PARD3B: variants seen among roughly 807,000 people sequenced by gnomAD.
PARD3B encodes partitioning defective 3 homolog B.
A neutral mutation model predicts 130.2 loss-of-function variants in PARD3B; 103 were observed. That is an observed-to-expected ratio of 0.79 (90% CI 0.67 to 0.93). PARD3B has a LOEUF of 0.93. Ranked by LOEUF, PARD3B falls within the 40% of genes least tolerant of loss-of-function variation. The pLI is 0.00. For synonymous variants in PARD3B, 583 were observed against 553.2 expected, an observed-to-expected ratio of 1.05 and a Z score of -0.76; for missense variants, 1,609 against 1,499.2, an observed-to-expected ratio of 1.07 and a Z score of -1.21.
At chr2:205,297,007 AC>A (rs2041823023) in intron 16 of PARD3B, among the ~76,000 whole-genome samples, 1 of 151,924 alleles carries the variant, frequency 6.6e-6, no homozygotes, top group Non-Finnish European at 1.5e-5. Context: ...TTCTTTTAGC[AC>A]CCTTGATAAT....
chr2:204,572,729 A>G (rs141207656), intron 1 of PARD3B, among the ~76,000 whole-genome samples: 15 of 152,354 alleles, frequency 9.8e-5, no homozygotes, highest in Non-Finnish European at 1.8e-4. Context: ...TTTGTAAATA[A>G]AAATCAGAAA....
chr2:205,250,498 C>T (rs1425096887), intron 16 of PARD3B, among the ~76,000 whole-genome samples: 1 of 152,092 alleles, frequency 6.6e-6, no homozygotes, highest in Non-Finnish European at 1.5e-5. Context: ...CAAGTCCAGA[C>T]CTTTTCTGAG....
Position 205,007,525 on chromosome 2 carries a change from C to G in PARD3B, c.395-40056C>G, listed in dbSNP as rs1337257399. On this transcript the variant is annotated intron_variant, in intron 3 of 22. Transcript: ENST00000406610. ...TTATTTCTGGATTCTCTATTCTGTT[C>G]CACTGGTCTATGTGCCTGTTTTTAT... is the stretch of plus-strand genomic sequence containing the variant. Among the ~76,000 whole-genome samples the G allele has an allele frequency of 2.0e-5, 3 of 152,090 alleles. No homozygotes were observed. The East Asian group carries it at 5.8e-4, about 29-fold the overall frequency.
intron 21 of PARD3B, among the ~76,000 whole-genome samples, chr2:205,538,697 G>A (rs2216109): frequency 0.94 from 142,502 of 152,230 alleles, 67,384 homozygotes; most frequent in East Asian, 1. Flanking sequence ...AGAAGCTTCC[G>A]TTAGCTCTGT....
At chr2:204,755,220 CGGAAATGTGTGAATA>C (rs2040615854) in intron 2 of PARD3B, among the ~76,000 whole-genome samples, 1 of 151,984 alleles carries the variant, frequency 6.6e-6, no homozygotes, top group Non-Finnish European at 1.5e-5. Flanking sequence ...CTCCTAACTA[CGGAAATGTGTGAATA>C]GGAAGTATGG....
chr2:205,042,896 C>G (rs1439057981), intron 3 of PARD3B, among the ~76,000 whole-genome samples: 1 of 149,888 alleles, frequency 6.7e-6, no homozygotes, highest in Non-Finnish European at 1.5e-5. Context: ...AAAAACCCAG[C>G]AAGCAGTTCT....
At chr2:205,275,151 G>A (rs192648258) in intron 16 of PARD3B, among the ~76,000 whole-genome samples, 83 of 151,676 alleles carry the variant, frequency 5.5e-4, no homozygotes, top group Non-Finnish European at 1.0e-3. Flanking sequence ...CAAACCCAAG[G>A]CCACTGTTAG....
At position 205,011,528 on chromosome 2, in the gene PARD3B, C is replaced by G. The variant is rs903141447; in HGVS notation, c.395-36053C>G. ...TGGACATACCAGTACTTCTTTCTGT[C>G]ATATTTTATTCATCGCACAGACCAA... On this transcript the variant is annotated intron_variant, in intron 3 of 22. Coordinates refer to ENST00000406610, the MANE Select transcript of PARD3B (RefSeq NM_001302769.2). This position sits in a 1 kb window ranked among gnomAD's most constrained non-coding sequence, Gnocchi z 4.1. Among the ~76,000 whole-genome samples, 1 of 152,158 alleles carries G rather than the reference C, an allele frequency of 6.6e-6. No homozygotes were observed. Among genetic ancestry groups the G allele is most frequent in the Non-Finnish European group, 1.5e-5 (1 of 68,028 alleles).
chr2:204,932,814 C>T (rs1327743259), intron 2 of PARD3B, among the ~76,000 whole-genome samples: 2 of 152,138 alleles, frequency 1.3e-5, no homozygotes, highest in Non-Finnish European at 2.9e-5. Flanking sequence ...CTGGATTCTG[C>T]ATTTTTACAC....
At chr2:205,603,334 G>T (rs1204815750) in intron 22 of PARD3B, among the ~76,000 whole-genome samples, 2 of 152,172 alleles carry the variant, frequency 1.3e-5, no homozygotes, top group Admixed American at 1.3e-4. Flanking sequence ...CTGTTGTTTT[G>T]GGGTGGAGAG....
intron 3 of PARD3B, among the ~76,000 whole-genome samples, chr2:205,041,845 CAT>C (rs2125397873): frequency 6.6e-6 from 1 of 152,248 alleles, no homozygotes; most frequent in South Asian, 2.1e-4. Flanking sequence ...CCTGCATCAT[CAT>C]ATGTTATGTG....
intron 1 of PARD3B, among the ~76,000 whole-genome samples, chr2:204,642,966 T>C (rs1158995869): frequency 6.6e-6 from 1 of 150,598 alleles, no homozygotes; most frequent in Non-Finnish European, 1.5e-5. Flanking sequence ...ACAAAAAAAT[T>C]AGCCAGGCGT....
chr2:204,961,404 C>T (rs1323617660), intron 2 of PARD3B, among the ~76,000 whole-genome samples: 1 of 152,024 alleles, frequency 6.6e-6, no homozygotes, highest in East Asian at 1.9e-4. Flanking sequence ...AGGATTGCTA[C>T]AAGGTGTTTG....
At chr2:205,213,494 A>G (rs80156446) in intron 15 of PARD3B, among the ~76,000 whole-genome samples, 2,922 of 152,260 alleles carry the variant, frequency 0.019, 40 homozygotes, top group Non-Finnish European at 0.032. Flanking sequence ...TGTTGGAGCA[A>G]TCTGGCTGCA....
intron 2 of PARD3B, among the ~76,000 whole-genome samples, chr2:204,700,560 A>G (rs1417415202): frequency 1.3e-5 from 2 of 152,104 alleles, no homozygotes; most frequent in Non-Finnish European, 2.9e-5. Flanking sequence ...ACTTCAGCCA[A>G]ATCAGTGTTT....
At chr2:204,625,892 G>T (rs1559192596) in intron 1 of PARD3B, among the ~76,000 whole-genome samples, 1 of 151,920 alleles carries the variant, frequency 6.6e-6, no homozygotes, top group Non-Finnish European at 1.5e-5. Flanking sequence ...TTTTAGTGTT[G>T]CAGAGACTAA....
At chr2:204,815,860 T>C (rs1055586130) in intron 2 of PARD3B, among the ~76,000 whole-genome samples, 1 of 152,094 alleles carries the variant, frequency 6.6e-6, no homozygotes, top group Non-Finnish European at 1.5e-5. Flanking sequence ...AATTCTGTTC[T>C]GGTCAGGGAA....
At chr2:205,019,938 T>G (rs541966255) in intron 3 of PARD3B, among the ~76,000 whole-genome samples, 1 of 152,186 alleles carries the variant, frequency 6.6e-6, no homozygotes, top group Admixed American at 6.6e-5. Flanking sequence ...TTAATGGCAA[T>G]AAAGTTATAG....
At chr2:204,780,135 A>T (rs2041783487) in intron 2 of PARD3B, among the ~76,000 whole-genome samples, 1 of 152,224 alleles carries the variant, frequency 6.6e-6, no homozygotes, top group South Asian at 2.1e-4. Flanking sequence ...TTTGTATTCC[A>T]TGTCTCTCTG....
Sources: allele counts gnomAD v4.1 joint callset (sites outside exome capture counted in the v4.1 genomes callset), GRCh38; gene constraint gnomAD v4.1.1; non-coding constraint Gnocchi (gnomAD v3.1); transcripts MANE v1.5; gene names NCBI Gene and HGNC (gene_info 2026-07-23, HGNC 2026-07-21).